SRGAP3: variants seen among roughly 807,000 people sequenced by gnomAD.
SRGAP3 encodes SLIT-ROBO Rho GTPase activating protein 3.
A neutral mutation model predicts 121.1 loss-of-function variants in SRGAP3; 39 were observed. That is an observed-to-expected ratio of 0.32 (90% confidence interval 0.25 to 0.42). The LOEUF (loss-of-function observed/expected upper bound fraction) is 0.42. Among genes scored for constraint, SRGAP3 ranks in the 10% least tolerant of loss-of-function variants. The pLI is 1.00. For synonymous variants in SRGAP3, 601 were observed against 570.0 expected (o/e 1.05, Z -0.77); for missense variants, 1,213 against 1,470.6 (o/e 0.82, Z 2.86).
intron 1 of SRGAP3, among the ~76,000 whole-genome samples, chr3:9,182,528 C>T (rs1247742019): frequency 1.3e-5 from 2 of 152,162 alleles, no homozygotes; most frequent in African/African-American, 4.8e-5. Flanking sequence ...TTTCAGACAT[C>T]CACCCTCCAA....
At chr3:9,138,062 GTTTATC>G (rs1949727121) in intron 1 of SRGAP3, among the ~76,000 whole-genome samples, 1 of 152,196 alleles carries the variant, frequency 6.6e-6, no homozygotes, top group African/African-American at 2.4e-5. Flanking sequence ...GACTGATGAT[GTTTATC>G]TTTATGTTTT....
intron 1 of SRGAP3, among the ~76,000 whole-genome samples, chr3:9,150,285 C>A (rs1950171659): frequency 6.6e-6 from 1 of 151,716 alleles, no homozygotes; most frequent in Admixed American, 6.6e-5. Flanking sequence ...GCAGAAGACA[C>A]CCTGGGCAAA....
intron 13 of SRGAP3, among the ~76,000 whole-genome samples, chr3:9,026,086 C>A (rs948012106): frequency 1.4e-4 from 21 of 152,170 alleles, no homozygotes; most frequent in African/African-American, 5.1e-4. Context: ...CCTTCCTCCC[C>A]ATGCTAGGCC....
At chr3:9,098,972 C>A (rs912915882) in intron 3 of SRGAP3, among the ~76,000 whole-genome samples, 2 of 152,112 alleles carry the variant, frequency 1.3e-5, no homozygotes, top group African/African-American at 2.4e-5. Flanking sequence ...ACTCTGCTCT[C>A]TCCCTCCTCC....
rs879920864 is a variant in SRGAP3 at position 9,328,429 on chromosome 3, C to T, written n.283+2099G>A. Among the ~76,000 whole-genome samples the T allele has an allele frequency of 7.9e-5, 12 of 152,228 alleles. No individual in the cohort carries two copies. The East Asian group carries it at 2.1e-3, about 27-fold the overall frequency. On this transcript the variant is annotated intron_variant and non_coding_transcript_variant, in intron 2 of 3. Coordinates refer to the SRGAP3 transcript ENST00000490889. ...GGGGTCTGTAGTGCCTCCTGTTTTTCCCAAGGAGTCCAGGCTGTTGGAGCT... is the reference window on the plus strand; with the variant it reads ...GGGGTCTGTAGTGCCTCCTGTTTTTTCCAAGGAGTCCAGGCTGTTGGAGCT...
intron 10 of SRGAP3, 102 bp from the exon 11 acceptor site, chr3:9,038,192 T>G (rs926562871): frequency 9.0e-6 from 13 of 1,448,590 alleles, no homozygotes; most frequent in African/African-American, 1.4e-5. Context: ...CTTAATTATT[T>G]ATGAAATATG....
intron 3 of SRGAP3, among the ~76,000 whole-genome samples, chr3:9,101,220 A>G (rs1177373836): frequency 1.3e-5 from 2 of 152,226 alleles, no homozygotes; most frequent in African/African-American, 4.8e-5. Flanking sequence ...AGAGGATGAT[A>G]AAAGGGCTGG....
rs1948552629 is a variant in SRGAP3, at chr3:9,109,847, CAGGGAGGAGCAGGAG to C, written c.261-5020_261-5006del. 6.6e-6 allele frequency among the ~76,000 whole-genome samples: 1 copy of C among 152,000 alleles called. No individual in the cohort carries two copies. Among genetic ancestry groups the C allele is most frequent in the Non-Finnish European group, 1.5e-5 (1 of 67,994 alleles). ...GGGAGAAATGTGATGAGCAAAGGCC[CAGGGAGGAGCAGGAG>C]AGGGAGGAGCAGGTAGGGAGGGGGC... On this transcript the variant is annotated intron_variant, in intron 2 of 21. Coordinates refer to ENST00000383836, the MANE Select transcript of SRGAP3 (RefSeq NM_014850.4). The surrounding 1 kb of genome is among the most constrained non-coding windows in gnomAD (Gnocchi z 4.4).
At chr3:9,149,492 C>T (rs927221406) in intron 1 of SRGAP3, among the ~76,000 whole-genome samples, 1 of 152,148 alleles carries the variant, frequency 6.6e-6, no homozygotes, top group Non-Finnish European at 1.5e-5. Flanking sequence ...ATCTAGTTCC[C>T]CACTCCTTGA....
At chr3:9,174,682 C>A (rs1049231200) in intron 1 of SRGAP3, among the ~76,000 whole-genome samples, 1 of 152,204 alleles carries the variant, frequency 6.6e-6, no homozygotes, top group East Asian at 1.9e-4. Context: ...TGACCTTGCC[C>A]GTTCTCACCA....
Position 9,249,066 on chromosome 3 carries a change from G to T in SRGAP3, c.-115C>A. ...GCTCTGGTCGATTTCACAGGTTTAGGGACTAATCTCTTTCACTTGGCTGCA... is the reference window on the plus strand; with the variant it reads ...GCTCTGGTCGATTTCACAGGTTTAGTGACTAATCTCTTTCACTTGGCTGCA... On this transcript the variant is annotated 5_prime_UTR_variant, in exon 1 of 22. Coordinates refer to ENST00000383836, the MANE Select transcript of SRGAP3 (RefSeq NM_014850.4). 9.8e-7 allele frequency: 1 copy of T among 1,018,532 alleles called. No individual in the cohort carries two copies. Among genetic ancestry groups the T allele is most frequent in the South Asian group, 1.3e-5 (1 of 75,784 alleles). 63.1% of individuals were successfully genotyped at this position (1,018,532 alleles called of 1,614,324 possible). A position where few individuals can be genotyped will look rare whatever the true frequency, so the allele number is the denominator to read the frequency against.
At chr3:9,171,234 C>T (rs1950965870) in intron 1 of SRGAP3, among the ~76,000 whole-genome samples, 1 of 152,230 alleles carries the variant, frequency 6.6e-6, no homozygotes, top group South Asian at 2.1e-4. Flanking sequence ...CTCCTTGGGC[C>T]CCAGGCAGAG....
chr3:9,348,423 C>T (rs1248415983), intron 1 of SRGAP3: 10 of 611,752 alleles, frequency 1.6e-5, no homozygotes, highest in Middle Eastern at 4.7e-4. Context: ...CAGTCAGCGT[C>T]GCATCCCCAG....
At chr3:8,992,837 G>C in intron 20 of SRGAP3, 69 bp downstream of exon 20, 1 of 1,612,970 alleles carries the variant, frequency 6.2e-7, no homozygotes, top group Non-Finnish European at 8.5e-7. Context: ...CTCTGCCCTT[G>C]TGCTTCTCCC....
rs557178579 is a variant in SRGAP3 at position 9,077,148 on chromosome 3, G to A, written c.486+2877C>T. 1.8e-4 allele frequency among the ~76,000 whole-genome samples: 26 copies of A among 144,962 alleles called. 1 individual carries two copies. The South Asian group carries it at 5.2e-3, about 29-fold the overall frequency. On this transcript the variant is annotated intron_variant, in intron 4 of 21. Coordinates refer to ENST00000383836, the MANE Select transcript of SRGAP3 (RefSeq NM_014850.4). ...CCCTCCCCCTCCGACAAGCCCCAGT[G>A]GTTCACACACTACTCTTATCTCTCT...
intron 14 of SRGAP3, among the ~76,000 whole-genome samples, chr3:9,022,190 A>T (rs1053384193): frequency 2.6e-5 from 4 of 152,088 alleles, no homozygotes; most frequent in Non-Finnish European, 5.9e-5. Flanking sequence ...TAGCCGGGCA[A>T]GGTGGCACAC....
chr3:8,987,471 A>T (rs1428421376), intron 21 of SRGAP3, among the ~76,000 whole-genome samples: 1 of 152,144 alleles, frequency 6.6e-6, no homozygotes, highest in East Asian at 1.9e-4. Flanking sequence ...GTGGGGTTGG[A>T]GCCTGGAGAT....
rs565925642 is a variant in SRGAP3 at position 9,030,026 on chromosome 3, C to G, written c.1539+2624G>C. ...AATCAGCCAAGCATGGTGGTGCATG[C>G]GTATAGCCCCAGCTACTCGGGAGGC... On this transcript the variant is annotated intron_variant, in intron 12 of 21. Transcript: ENST00000383836. Among the ~76,000 whole-genome samples, 699 of 151,946 alleles carry G rather than the reference C, an allele frequency of 4.6e-3. 3 individuals carry two copies. The highest frequency in any genetic ancestry group is 5.4e-3 in the Non-Finnish European group (367 of 67,970).
chr3:9,035,450 A>G (rs1396118632), intron 11 of SRGAP3: 1 of 176,718 alleles, frequency 5.7e-6, no homozygotes, highest in Non-Finnish European at 1.2e-5. Flanking sequence ...AATCTCTGAC[A>G]AGGAAACGTA....
Sources: allele counts gnomAD v4.1 joint callset (sites outside exome capture counted in the v4.1 genomes callset), GRCh38; gene constraint gnomAD v4.1.1; non-coding constraint Gnocchi (gnomAD v3.1); transcripts MANE v1.5; gene names NCBI Gene and HGNC (gene_info 2026-07-23, HGNC 2026-07-21).